Variants in KIAA0586 observed in about 807,000 individuals in gnomAD.
KIAA0586 encodes the protein KIAA0586, also known as protein TALPID3.
In KIAA0586, 144 loss-of-function variants were observed where a neutral mutation model predicts 169.8. The ratio of observed to expected loss-of-function variants is 0.85; its 90% CI spans 0.74 to 0.97. The LOEUF (loss-of-function observed/expected upper bound fraction) is 0.97. Among genes scored for constraint, KIAA0586 ranks in the 50% least tolerant of loss-of-function variants. KIAA0586 has a pLI of 0.00. For synonymous variants in KIAA0586, 625 were observed against 612.4 expected, an observed-to-expected ratio of 1.02 and a Z score of -0.30; for missense variants, 1,854 against 1,823.0, an observed-to-expected ratio of 1.02 and a Z score of -0.31.
intron 27 of KIAA0586, among the ~76,000 whole-genome samples, chr14:58,507,149 T>TAA (rs1442396095): frequency 1.3e-5 from 1 of 75,190 alleles, no homozygotes. Flanking sequence ...ACTCTGTCTT[T>TAA]AAAAAAAAAA....
At chr14:58,469,465 C>T (rs1196028531) in intron 16 of KIAA0586, among the ~76,000 whole-genome samples, 1 of 152,160 alleles carries the variant, frequency 6.6e-6, no homozygotes, top group Non-Finnish European at 1.5e-5. Context: ...GCTATGGAGG[C>T]TTCGGGAGAC....
At chr14:58,442,014 G>A (rs1334119971) in intron 4 of KIAA0586, 1 of 152,150 alleles carries the variant, frequency 6.6e-6, no homozygotes, top group Non-Finnish European at 1.5e-5. Context: ...AAAGAAAAAA[G>A]AAAACAATAG....
At chr14:58,493,670 A>T (rs2042966893) in intron 26 of KIAA0586, among the ~76,000 whole-genome samples, 1 of 152,242 alleles carries the variant, frequency 6.6e-6, no homozygotes, top group Non-Finnish European at 1.5e-5. Context: ...ATTCCTTCTG[A>T]ATTTAAAATA....
At chr14:58,445,978 C>T (rs997910191) in intron 6 of KIAA0586, among the ~76,000 whole-genome samples, 1 of 151,514 alleles carries the variant, frequency 6.6e-6, no homozygotes, top group African/African-American at 2.4e-5. Flanking sequence ...AAGCGATTCT[C>T]CTGCCACAGC....
intron 29 of KIAA0586, among the ~76,000 whole-genome samples, chr14:58,515,642 T>C (rs2044698486): frequency 6.6e-6 from 1 of 152,074 alleles, no homozygotes; most frequent in Non-Finnish European, 1.5e-5. Flanking sequence ...TCTTAAGATA[T>C]GATAGGGATT....
chr14:58,524,299 G>A (rs2045423691), intron 29 of KIAA0586, among the ~76,000 whole-genome samples: 1 of 152,122 alleles, frequency 6.6e-6, no homozygotes, highest in Non-Finnish European at 1.5e-5. Flanking sequence ...TAATAAATTA[G>A]AACAGAGAAG....
intron 4 of KIAA0586, among the ~76,000 whole-genome samples, chr14:58,434,522 T>G (rs1426633885): frequency 3.9e-5 from 6 of 152,238 alleles, no homozygotes; most frequent in Non-Finnish European, 8.8e-5. Context: ...CATTTTATGA[T>G]GCTAACCTAG....
At chr14:58,529,996 A>T (rs1224843866) in intron 29 of KIAA0586, among the ~76,000 whole-genome samples, 1 of 152,246 alleles carries the variant, frequency 6.6e-6, no homozygotes, top group Non-Finnish European at 1.5e-5. Flanking sequence ...GCTGATAAGC[A>T]ACTTCAGCAA....
rs1362402122 is a variant in KIAA0586, at chr14:58,490,148, A to G, written c.3782-16A>G. 1.7e-6 allele frequency: 2 copies of G among 1,185,658 alleles called. No homozygotes were observed. Among genetic ancestry groups the G allele is most frequent in the Admixed American group, 5.6e-5 (2 of 35,640 alleles). 73.4% of individuals were successfully genotyped at this position (1,185,658 alleles called of 1,614,324 possible). ...GTTTCTTTTTTTTTTCTAAACTTTT[A>G]TATTTTAATTTCTAGTTTTAGAAGA... On this transcript the variant is annotated splice_polypyrimidine_tract_variant and intron_variant, in intron 24 of 30. Coordinates refer to ENST00000652326, the MANE Select transcript of KIAA0586 (RefSeq NM_001329943.3).
chr14:58,507,710 T>G (rs922953587), intron 27 of KIAA0586, among the ~76,000 whole-genome samples: 1 of 152,076 alleles, frequency 6.6e-6, no homozygotes, highest in African/African-American at 2.4e-5. Context: ...AAAGGTACAG[T>G]GGTTAGATAC....
chr14:58,539,921 C>T (rs2046536679), intron 29 of KIAA0586, 150 bp from the exon 30 acceptor site: 1 of 527,330 alleles, frequency 1.9e-6, no homozygotes, highest in Admixed American at 3.6e-5. Flanking sequence ...TCTTTACATT[C>T]AGGCCACTAG....
At chr14:58,455,076 A>G (rs927691937) in intron 9 of KIAA0586, among the ~76,000 whole-genome samples, 1 of 152,130 alleles carries the variant, frequency 6.6e-6, no homozygotes, top group Non-Finnish European at 1.5e-5. Context: ...AGCCTGTCTT[A>G]AAGTTTGTTG....
chr14:58,450,993 T>C (rs1028628892), intron 8 of KIAA0586, among the ~76,000 whole-genome samples: 2 of 148,472 alleles, frequency 1.3e-5, no homozygotes, highest in African/African-American at 4.9e-5. Flanking sequence ...CTTTTTTTTT[T>C]TTTTTTTTTT....
chr14:58,470,042 A>G (rs1454614000), intron 16 of KIAA0586, among the ~76,000 whole-genome samples: 4 of 151,192 alleles, frequency 2.6e-5, no homozygotes, highest in African/African-American at 9.7e-5. Flanking sequence ...CTGGCTATCT[A>G]GTATAGTGAA....
At chr14:58,505,830 G>A (rs1470570679) in intron 27 of KIAA0586, among the ~76,000 whole-genome samples, 1 of 151,802 alleles carries the variant, frequency 6.6e-6, no homozygotes, top group Admixed American at 6.6e-5. Flanking sequence ...TATTTGTATT[G>A]TAAATATCTT....
rs778591481 is a variant in KIAA0586, at chr14:58,430,664, T to C, written c.287T>C (p.Val96Ala). ...MVSESDFSKDVAVQVLPLDKI... is the reference protein window; with the variant it reads ...MVSESDFSKDAAVQVLPLDKI... Reference sequence around the variant, plus strand: ...ATCCCAAAGGATTTTTCTAAAGACGTTGCAGTGCAAGTGTTGCCTTTGGAT... The same window carrying C: ...ATCCCAAAGGATTTTTCTAAAGACGCTGCAGTGCAAGTGTTGCCTTTGGAT... The change falls in exon 3 of 31, where the codon GTT becomes GCT. Residue 96 changes from valine to alanine, a missense_variant. Coordinates refer to ENST00000652326, the MANE Select transcript of KIAA0586 (RefSeq NM_001329943.3). 3.7e-6 allele frequency: 6 copies of C among 1,600,924 alleles called. No individual in the cohort carries two copies. In the South Asian group the frequency reaches 6.7e-5, roughly 18 times the overall value.
intron 18 of KIAA0586, among the ~76,000 whole-genome samples, chr14:58,473,087 G>T (rs983811288): frequency 1.3e-5 from 2 of 151,248 alleles, no homozygotes; most frequent in South Asian, 2.1e-4. Context: ...AAGTAGCAGA[G>T]AATTTAGCAT....
At chr14:58,532,040 T>G (rs1415080654) in intron 29 of KIAA0586, among the ~76,000 whole-genome samples, 17 of 138,344 alleles carry the variant, frequency 1.2e-4, no homozygotes, top group South Asian at 2.4e-4. Flanking sequence ...TGTCGGGGGG[T>G]GGGGGATAGG....
intron 29 of KIAA0586, among the ~76,000 whole-genome samples, chr14:58,515,530 T>C (rs2044690189): frequency 6.6e-6 from 1 of 152,174 alleles, no homozygotes; most frequent in South Asian, 2.1e-4. Context: ...TTTTTGCCTT[T>C]GTATTTGAAA....
Sources: allele counts gnomAD v4.1 joint callset (sites outside exome capture counted in the v4.1 genomes callset), GRCh38; gene constraint gnomAD v4.1.1; transcripts MANE v1.5; gene names NCBI Gene and HGNC (gene_info 2026-07-23, HGNC 2026-07-21).